The following STK4 variants were observed in gnomAD, a reference collection of about 807,000 sequenced individuals.
STK4 encodes serine/threonine-protein kinase 4.
STK4 carries 30 observed loss-of-function variants against 64.9 expected under a neutral mutation model. That is an observed-to-expected ratio of 0.46 (90% confidence interval 0.35 to 0.63). STK4 has a LOEUF of 0.63. Among genes scored for constraint, STK4 ranks in the 20% least tolerant of loss-of-function variants. The pLI is 0.01. For missense variants in STK4, 466 were observed against 598.5 expected, an observed-to-expected ratio of 0.78 and a Z score of 2.31; for synonymous variants, 177 against 199.0, an observed-to-expected ratio of 0.89 and a Z score of 0.93.
intron 5 of STK4, among the ~76,000 whole-genome samples, chr20:44,991,028 C>T (rs1256045456): frequency 6.6e-6 from 1 of 152,132 alleles, no homozygotes; most frequent in Non-Finnish European, 1.5e-5. Context: ...AATTCTGTGG[C>T]TGTAGTTATT....
intron 9 of STK4, among the ~76,000 whole-genome samples, chr20:45,016,085 T>C (rs535874439): frequency 1.2e-4 from 18 of 152,326 alleles, no homozygotes; most frequent in African/African-American, 4.3e-4. Flanking sequence ...GGAAGGTCAC[T>C]TGTCAGTTTC....
chr20:44,987,503 A>G (rs1047525287), intron 5 of STK4, among the ~76,000 whole-genome samples: 3 of 152,190 alleles, frequency 2.0e-5, no homozygotes, highest in Non-Finnish European at 4.4e-5. Flanking sequence ...AACTTTGTTC[A>G]ACTTTTATAA....
At chr20:44,995,910 A>G (rs1422076505) in intron 6 of STK4, among the ~76,000 whole-genome samples, 3 of 152,198 alleles carry the variant, frequency 2.0e-5, no homozygotes, top group Non-Finnish European at 2.9e-5. Flanking sequence ...GTCAACATTC[A>G]CTAGAGCTGA....
intron 9 of STK4, among the ~76,000 whole-genome samples, chr20:45,022,845 A>C (rs888728820): frequency 2.8e-4 from 42 of 152,216 alleles, no homozygotes; most frequent in Non-Finnish European, 1.5e-5. Context: ...TGATGAACTC[A>C]ATTTAGTCAT....
chr20:44,989,835 CTG>C (rs1343311905), intron 5 of STK4, among the ~76,000 whole-genome samples: 3 of 152,146 alleles, frequency 2.0e-5, no homozygotes, highest in Non-Finnish European at 2.9e-5. Flanking sequence ...GTTGAAAAGA[CTG>C]TTTTTTCTTT....
intron 10 of STK4, among the ~76,000 whole-genome samples, chr20:45,064,424 A>T (rs979174724): frequency 2.6e-5 from 4 of 152,136 alleles, no homozygotes; most frequent in Non-Finnish European, 5.9e-5. Flanking sequence ...GCTTTTAAAA[A>T]ATTCTGTATG....
At chr20:44,976,933 G>A (rs529703586) in intron 2 of STK4, among the ~76,000 whole-genome samples, 39 of 152,304 alleles carry the variant, frequency 2.6e-4, no homozygotes, top group Non-Finnish European at 1.3e-4. Flanking sequence ...TTGTGTGCTT[G>A]TCTCCTACCA....
chr20:44,967,033 G>T (rs2067161928), intron 1 of STK4, among the ~76,000 whole-genome samples: 1 of 152,088 alleles, frequency 6.6e-6, no homozygotes, highest in Non-Finnish European at 1.5e-5. Flanking sequence ...AGGGTCTGAA[G>T]TCCCACTTGA....
chr20:45,032,736 C>CA (rs575157475), intron 10 of STK4, among the ~76,000 whole-genome samples: 28 of 152,300 alleles, frequency 1.8e-4, no homozygotes, highest in African/African-American at 6.7e-4. Flanking sequence ...GAACACAACA[C>CA]ATGCATGTGT....
At chr20:45,007,830 A>G (rs1418452588) in intron 9 of STK4, 2 of 415,896 alleles carry the variant, frequency 4.8e-6, no homozygotes, top group African/African-American at 4.2e-5. Flanking sequence ...TAAATATATT[A>G]TACCCAGGTA....
intron 10 of STK4, among the ~76,000 whole-genome samples, chr20:45,063,233 A>G (rs956454997): frequency 1.4e-5 from 2 of 144,190 alleles, no homozygotes; most frequent in East Asian, 2.1e-4. Context: ...GTCTCAAACT[A>G]CTAGGCTCAA....
intron 10 of STK4, among the ~76,000 whole-genome samples, chr20:45,056,062 G>A (rs951808707): frequency 6.6e-6 from 1 of 152,084 alleles, no homozygotes; most frequent in African/African-American, 2.4e-5. Flanking sequence ...ATACATTTAA[G>A]GCTGTAAAAT....
At chr20:44,982,124 T>C (rs2067452163) in intron 4 of STK4, among the ~76,000 whole-genome samples, 181 bp downstream of exon 4, 2 of 150,414 alleles carry the variant, frequency 1.3e-5, no homozygotes, top group Non-Finnish European at 3.0e-5. Flanking sequence ...TTTTTTTTTT[T>C]TTTTCAAGAG....
At chr20:45,046,957 G>A (rs1458519897) in intron 10 of STK4, among the ~76,000 whole-genome samples, 1 of 152,164 alleles carries the variant, frequency 6.6e-6, no homozygotes, top group African/African-American at 2.4e-5. Context: ...TGGGATTACA[G>A]GTGTGAGCTA....
intron 10 of STK4, among the ~76,000 whole-genome samples, chr20:45,063,669 G>A (rs1397559449): frequency 6.6e-6 from 1 of 151,970 alleles, no homozygotes; most frequent in East Asian, 1.9e-4. Context: ...TCTTTGCCAG[G>A]TCCTATGTCC....
intron 2 of STK4, among the ~76,000 whole-genome samples, chr20:44,977,126 G>A (rs2067353041): frequency 6.6e-6 from 1 of 152,144 alleles, no homozygotes; most frequent in Non-Finnish European, 1.5e-5. Context: ...TAACAAATTA[G>A]GAAGTTATTT....
At chr20:44,977,589 A>G (rs759909721) in intron 2 of STK4, among the ~76,000 whole-genome samples, 13 of 152,228 alleles carry the variant, frequency 8.5e-5, no homozygotes, top group Admixed American at 2.6e-4. Context: ...CATTTTACAG[A>G]TGAGAAAATT....
chr20:45,002,687 A>G (rs1205837868), intron 9 of STK4, among the ~76,000 whole-genome samples: 2 of 152,220 alleles, frequency 1.3e-5, no homozygotes, highest in Non-Finnish European at 2.9e-5. Flanking sequence ...ATAGACCTAT[A>G]TCACTCAGCT....
chr20:45,061,134 A>AAAAAC lies in STK4; in HGVS notation c.1306-13867_1306-13863dup, dbSNP rs201605754. On this transcript the variant is annotated intron_variant, in intron 10 of 10. Coordinates refer to ENST00000372806, the MANE Select transcript of STK4 (RefSeq NM_006282.5). The stretch of plus-strand genomic sequence containing the variant: ...AAGGCTGTTCTAAAACTCACAGAAC[A>AAAAAC]AAAACAAAACAAAACAAAACAGGTG... 5.8e-3 allele frequency among the ~76,000 whole-genome samples: 886 copies of AAAAAC among 152,344 alleles called. 10 individuals are homozygous for AAAAAC. The highest frequency in any genetic ancestry group is 0.018 in the African/African-American group (731 of 41,568).
Sources: gnomAD v4.1 joint callset for allele counts (sites outside exome capture counted in the v4.1 genomes callset) on GRCh38, gnomAD v4.1.1 for gene constraint, MANE v1.5 for transcripts, NCBI Gene and HGNC (gene_info 2026-07-23, HGNC 2026-07-21) for gene names.